ARID5B: variants seen among roughly 807,000 people sequenced by gnomAD.
ARID5B encodes AT-rich interactive domain-containing protein 5B.
In ARID5B, 13 loss-of-function variants were observed where a neutral mutation model predicts 97.2. The observed-to-expected ratio is 0.13, with a 90% CI of 0.09 to 0.21. The LOEUF is 0.21. Ranked by LOEUF, ARID5B falls within the 10% of genes least tolerant of loss-of-function variation. The probability of loss-of-function intolerance (pLI) is 1.00; values close to 1 mark genes in which losing one functional copy is unlikely to be tolerated. For synonymous variants in ARID5B, 556 were observed against 570.3 expected, an observed-to-expected ratio of 0.97 and a Z score of 0.36; for missense variants, 1,210 against 1,465.3, an observed-to-expected ratio of 0.83 and a Z score of 2.84.
intron 4 of ARID5B, among the ~76,000 whole-genome samples, chr10:62,002,666 G>C (rs1839094990): frequency 6.6e-6 from 1 of 152,210 alleles, no homozygotes; most frequent in Admixed American, 6.5e-5. Context: ...TAAAGTGTTT[G>C]TTAAAATGTG....
At chr10:61,971,538 T>C (rs527913754) in intron 3 of ARID5B, among the ~76,000 whole-genome samples, 1 of 152,362 alleles carries the variant, frequency 6.6e-6, no homozygotes, top group East Asian at 1.9e-4. Flanking sequence ...AGGAAACAGA[T>C]TGGCAGTGAA....
intron 2 of ARID5B, among the ~76,000 whole-genome samples, chr10:61,908,546 G>A (rs896502819): frequency 1.1e-4 from 16 of 152,022 alleles, no homozygotes; most frequent in Non-Finnish European, 1.2e-4. Context: ...AGTGGCTCAC[G>A]CCTGTAATCC....
chr10:61,918,522 T>A (rs532713540), intron 2 of ARID5B, among the ~76,000 whole-genome samples: 52 of 152,354 alleles, frequency 3.4e-4, no homozygotes, highest in African/African-American at 1.1e-3. Context: ...AACTCCTTAA[T>A]AACTAATTTA....
At chr10:62,075,253 T>A (rs1456704785) in intron 8 of ARID5B, among the ~76,000 whole-genome samples, 1 of 152,236 alleles carries the variant, frequency 6.6e-6, no homozygotes, top group Non-Finnish European at 1.5e-5. Context: ...CCTTCTATGT[T>A]TTCAAGATAT....
chr10:61,941,193 A>T (rs1046947525), intron 3 of ARID5B, among the ~76,000 whole-genome samples: 1 of 150,486 alleles, frequency 6.6e-6, no homozygotes, highest in Non-Finnish European at 1.5e-5. Context: ...GTGAGATAGA[A>T]GGGGTAGAGC....
At chr10:62,021,645 C>G (rs1417503893) in intron 4 of ARID5B, among the ~76,000 whole-genome samples, 1 of 152,160 alleles carries the variant, frequency 6.6e-6, no homozygotes, top group African/African-American at 2.4e-5. Flanking sequence ...CATTCTGGCC[C>G]TTTCTGGGGT....
At chr10:61,995,160 G>T (rs1448667158) in intron 3 of ARID5B, among the ~76,000 whole-genome samples, 2 of 152,030 alleles carry the variant, frequency 1.3e-5, no homozygotes, top group Non-Finnish European at 2.9e-5. Flanking sequence ...TTTCTCTATG[G>T]GTGTGGTTGA....
chr10:61,977,131 A>C (rs1053825480), intron 3 of ARID5B, among the ~76,000 whole-genome samples: 4 of 152,126 alleles, frequency 2.6e-5, no homozygotes, highest in Admixed American at 6.5e-5. Flanking sequence ...TCCTTGCAAT[A>C]GTTTGCTGAG....
chr10:62,015,684 C>G lies in ARID5B; in HGVS notation c.733+15363C>G, dbSNP rs139812573. 8.0e-4 allele frequency among the ~76,000 whole-genome samples: 122 copies of G among 152,192 alleles called. No individual in the cohort carries two copies. In the East Asian group the frequency reaches 0.021, roughly 27 times the overall value. ...TGTCACCCAGGCTGGAGTGCAGTGG[C>G]GCGATCTTGGCTCACTGCAACCTCC... On this transcript the variant is annotated intron_variant, in intron 4 of 9. Coordinates refer to ENST00000279873, the MANE Select transcript of ARID5B (RefSeq NM_032199.3).
At chr10:62,033,216 A>G (rs1416126294) in intron 4 of ARID5B, among the ~76,000 whole-genome samples, 7 of 152,190 alleles carry the variant, frequency 4.6e-5, no homozygotes, top group Non-Finnish European at 1.0e-4. Flanking sequence ...CTCCAAGCAC[A>G]TTTCAGAAAC....
At chr10:61,943,470 G>GCCC (rs11403206) in intron 3 of ARID5B, among the ~76,000 whole-genome samples, 50 of 148,490 alleles carry the variant, frequency 3.4e-4, no homozygotes, top group African/African-American at 1.1e-3. Flanking sequence ...ATTATTTGAG[G>GCCC]CCCCCCCCCT....
chr10:62,033,870 C>T (rs1404078816), intron 4 of ARID5B, among the ~76,000 whole-genome samples: 1 of 152,114 alleles, frequency 6.6e-6, no homozygotes. Context: ...GATGACTTGC[C>T]CGAGGTCATA....
intron 4 of ARID5B, among the ~76,000 whole-genome samples, chr10:62,016,446 T>A (rs1839285237): frequency 6.6e-6 from 1 of 152,214 alleles, no homozygotes; most frequent in South Asian, 2.1e-4. Flanking sequence ...ATGCCATCAA[T>A]TGAGATGCCA....
At chr10:61,960,535 T>C (rs995638578) in intron 3 of ARID5B, among the ~76,000 whole-genome samples, 1 of 152,208 alleles carries the variant, frequency 6.6e-6, no homozygotes, top group Non-Finnish European at 1.5e-5. Flanking sequence ...ATAAATATTC[T>C]AAATATTTAT....
intron 4 of ARID5B, among the ~76,000 whole-genome samples, chr10:62,041,679 A>C (rs901602963): frequency 5.9e-5 from 9 of 152,240 alleles, no homozygotes; most frequent in Non-Finnish European, 1.2e-4. Context: ...CCAAAACAAA[A>C]ACAAAAACAA....
At position 61,919,047 on chromosome 10, in the gene ARID5B, C is replaced by G. The variant is rs979500094; in HGVS notation, c.276+16634C>G. ...AGAGCCTGACTCCGTCCCCCCCCCCCCCCCCAAAAAAATAAAAGGTGCGTT... is the reference window on the plus strand; with the variant it reads ...AGAGCCTGACTCCGTCCCCCCCCCCGCCCCCAAAAAAATAAAAGGTGCGTT... On this transcript the variant is annotated intron_variant, in intron 2 of 9. Coordinates refer to ENST00000279873, the MANE Select transcript of ARID5B (RefSeq NM_032199.3). Among the ~76,000 whole-genome samples, 38 of 123,220 alleles carry G rather than the reference C, an allele frequency of 3.1e-4. 1 individual carries two copies. Among genetic ancestry groups the G allele is most frequent in the East Asian group, 7.1e-4 (3 of 4,206 alleles). 80.8% of individuals were successfully genotyped at this position (123,220 alleles called of 152,430 possible).
intron 4 of ARID5B, among the ~76,000 whole-genome samples, chr10:62,001,041 G>A (rs1839073573): frequency 1.3e-5 from 2 of 152,186 alleles, no homozygotes. Context: ...GGGAGGAGAA[G>A]AAGATATCAC....
chr10:62,065,054 G>T (rs183360612), intron 7 of ARID5B, among the ~76,000 whole-genome samples: 1 of 152,130 alleles, frequency 6.6e-6, no homozygotes, highest in African/African-American at 2.4e-5. Context: ...GATTACAGGC[G>T]TGAGTCACCA....
intron 3 of ARID5B, among the ~76,000 whole-genome samples, chr10:61,997,006 T>C (rs1215491258): frequency 1.3e-5 from 2 of 151,998 alleles, no homozygotes; most frequent in East Asian, 3.9e-4. Flanking sequence ...ATGAGCTATT[T>C]GGGATGCTTG....
Sources: gnomAD v4.1 joint callset for allele counts (sites outside exome capture counted in the v4.1 genomes callset) on GRCh38, gnomAD v4.1.1 for gene constraint, MANE v1.5 for transcripts, NCBI Gene and HGNC (gene_info 2026-07-23, HGNC 2026-07-21) for gene names.